SRCAP: variants seen among roughly 807,000 people sequenced by gnomAD.
SRCAP encodes chromatin remodeling protein SRCAP.
A neutral mutation model predicts 263.1 loss-of-function variants in SRCAP; 46 were observed. That is an observed-to-expected ratio of 0.17 (90% CI 0.14 to 0.22). The LOEUF (loss-of-function observed/expected upper bound fraction) is 0.22, where lower values mean the gene tolerates loss of function less well. SRCAP is among the 10% of genes least tolerant of loss of function. The probability of loss-of-function intolerance (pLI) is 1.00; values close to 1 mark genes in which losing one functional copy is unlikely to be tolerated. For missense variants in SRCAP, 3,695 were observed against 4,181.9 expected, an observed-to-expected ratio of 0.88 and a Z score of 3.21; for synonymous variants, 1,813 against 1,662.1, an observed-to-expected ratio of 1.09 and a Z score of -2.21.
rs1567253013 is a variant in SRCAP at position 30,736,353 on chromosome 16, A to G, written c.6883A>G (p.Met2295Val). ...CCGGCCTGGGGCTGAGGATGAGGAG[A>G]TGTCCCGGGCTGAGCAGGAAATTGC... The part of the protein sequence containing the change: ...AGRPGAEDEE[M>V]SRAEQEIAAL... The change falls in exon 32 of 34, where the codon ATG becomes GTG. Residue 2295 changes from methionine (M) to valine (V), a missense_variant. Met to Val is a conservative substitution (Grantham distance 21). Coordinates refer to ENST00000262518, the MANE Select transcript of SRCAP (RefSeq NM_006662.3). 2 of 1,613,722 alleles carry G rather than the reference A, an allele frequency of 1.2e-6. No homozygotes were observed. Among genetic ancestry groups the G allele is most frequent in the Admixed American group, 1.7e-5 (1 of 59,986 alleles).
intron 31 of SRCAP, among the ~76,000 whole-genome samples, chr16:30,735,625 G>T (rs185939683): frequency 8.8e-6 from 1 of 113,824 alleles, no homozygotes; most frequent in Admixed American, 1.4e-4. Flanking sequence ...CTTTCGCCCA[G>T]GCTAGAGTGC....
At chr16:30,712,845 C>T in intron 14 of SRCAP, 30 bp downstream of exon 14, 2 of 1,609,282 alleles carry the variant, frequency 1.2e-6, no homozygotes, top group Non-Finnish European at 1.7e-6. Flanking sequence ...CACTTTCCTC[C>T]CATTGATGCC....
rs753083192 is a variant in SRCAP at position 30,722,967 on chromosome 16, A to G, written c.3897A>G (p.Pro1299=). 4 of 1,605,046 alleles carry G rather than the reference A, an allele frequency of 2.5e-6. No homozygotes were observed. Among genetic ancestry groups the G allele is most frequent in the Admixed American group, 1.7e-5 (1 of 59,654 alleles). ...CAGTGTAGCTTCCTCTTGCAGTGCCACCAACCATGGTGAATAATACAGGCG... is the reference window on the plus strand; with the variant it reads ...CAGTGTAGCTTCCTCTTGCAGTGCCGCCAACCATGGTGAATAATACAGGCG... ...LSLPLAANQV[P]PTMVNNTGVV... The change falls in exon 24 of 34, where the codon CCA becomes CCG. Residue 1299 remains proline (P), a synonymous_variant. Coordinates refer to ENST00000262518, the MANE Select transcript of SRCAP (RefSeq NM_006662.3).
intron 27 of SRCAP, among the ~76,000 whole-genome samples, chr16:30,731,299 T>A (rs943140266): frequency 6.6e-6 from 1 of 152,132 alleles, no homozygotes; most frequent in Admixed American, 6.5e-5. Context: ...TGGGTTTGGG[T>A]TGGGGCCTTC....
intron 22 of SRCAP, 55 bp from the exon 23 acceptor site, chr16:30,722,508 C>T: frequency 6.3e-7 from 1 of 1,595,242 alleles, no homozygotes; most frequent in Non-Finnish European, 8.6e-7. Flanking sequence ...CTTGCCTCTG[C>T]CCTCCTCAGG....
At chr16:30,730,576 T>C (rs2053104402) in intron 27 of SRCAP, among the ~76,000 whole-genome samples, 1 of 152,004 alleles carries the variant, frequency 6.6e-6, no homozygotes, top group African/African-American at 2.4e-5. Context: ...GGATTACAGG[T>C]GCACACCACC....
intron 1 of SRCAP, among the ~76,000 whole-genome samples, chr16:30,699,646 A>G (rs981933521): frequency 6.8e-6 from 1 of 147,120 alleles, no homozygotes; most frequent in Non-Finnish European, 1.5e-5. Flanking sequence ...TTTTTGCTGT[A>G]TTTTTTTTTT....
rs777190973 is a variant in SRCAP at position 30,735,915 on chromosome 16, CT to C, written c.6730-271del. On this transcript the variant is annotated intron_variant, in intron 31 of 33. Coordinates refer to ENST00000262518, the MANE Select transcript of SRCAP (RefSeq NM_006662.3). Reference sequence around the variant, plus strand: ...TTTTATTCACATCTTTCTGTGGTGGCTTTTTTTTTTTTTTGAGAGCTGAGGC... The same window carrying C: ...TTTTATTCACATCTTTCTGTGGTGGCTTTTTTTTTTTTTGAGAGCTGAGGC... Among the ~76,000 whole-genome samples, 341 of 138,368 alleles carry C rather than the reference CT, an allele frequency of 2.5e-3. 1 individual carries two copies. Among genetic ancestry groups the C allele is most frequent in the Admixed American group, 3.3e-3 (46 of 13,872 alleles). 90.8% of individuals were successfully genotyped at this position (138,368 alleles called of 152,430 possible). A position where few individuals can be genotyped will look rare whatever the true frequency, so the allele number is the denominator to read the frequency against.
chr16:30,703,958 T>G, intron 3 of SRCAP, 106 bp from the exon 4 acceptor site: 1 of 1,358,136 alleles, frequency 7.4e-7, no homozygotes, highest in Non-Finnish European at 1.0e-6. Flanking sequence ...GGTTTATACC[T>G]TACTCTACAC....
intron 14 of SRCAP, 36 bp from the exon 15 acceptor site, chr16:30,713,172 C>T: frequency 2.5e-6 from 4 of 1,604,658 alleles, no homozygotes; most frequent in Non-Finnish European, 3.4e-6. Flanking sequence ...TTCTTTTCAT[C>T]CCACTATCTG....
In SRCAP at chr16:30,722,127, G is replaced by A; in HGVS notation, c.3547G>A (p.Glu1183Lys). ...PDMQARLPSGEVVSIGQLASL... is the reference protein window; with the variant it reads ...PDMQARLPSGKVVSIGQLASL... ...AAGGCCTTCTCTGTTTTTAGCAGGC[G>A]AAGTGGTCAGCATCGGGCAGTTAGC... The change falls in exon 22 of 34, where the codon GAA becomes AAA. Residue 1183 changes from glutamate (E) to lysine (K), a missense_variant. By Grantham distance (56) the Glu-to-Lys change is moderately conservative (BLOSUM62 1). Around this residue, in one of 12 missense-constraint regions of SRCAP, gnomAD observed 1,347 missense variants for 1,304.4 expected, o/e 1.03. Coordinates refer to ENST00000262518, the MANE Select transcript of SRCAP (RefSeq NM_006662.3). 1 of 1,613,484 alleles carries A rather than the reference G, an allele frequency of 6.2e-7. No individual in the cohort carries two copies. Among genetic ancestry groups the A allele is most frequent in the Non-Finnish European group, 8.5e-7 (1 of 1,179,646 alleles).
intron 3 of SRCAP, among the ~76,000 whole-genome samples, chr16:30,703,489 C>T (rs559839115): frequency 1.3e-5 from 2 of 151,462 alleles, no homozygotes; most frequent in Admixed American, 6.6e-5. Flanking sequence ...CCACCACCCC[C>T]GGCCTATATA....
intron 27 of SRCAP, among the ~76,000 whole-genome samples, chr16:30,731,272 C>T (rs911668019): frequency 6.6e-6 from 1 of 152,172 alleles, no homozygotes; most frequent in Non-Finnish European, 1.5e-5. Flanking sequence ...TTATTTAGAT[C>T]AACTTGATTT....
chr16:30,700,297 C>G (rs983364820), intron 2 of SRCAP, among the ~76,000 whole-genome samples: 4 of 152,186 alleles, frequency 2.6e-5, no homozygotes, highest in Non-Finnish European at 5.9e-5. Context: ...AACTTCGTAA[C>G]TTACAAAACA....
chr16:30,717,610 C>CTTTT (rs34512915), intron 18 of SRCAP, among the ~76,000 whole-genome samples: 1,185 of 90,954 alleles, frequency 0.013, 38 homozygotes, highest in East Asian at 0.028. Context: ...CCAAGCCTGG[C>CTTTT]TTTTTTTTTT....
Position 30,712,829 on chromosome 16 carries a change from T to C in SRCAP, c.2130+14T>C, listed in dbSNP as rs1171021714. The C allele has an allele frequency of 1.2e-6, 2 of 1,613,934 alleles. No individual in the cohort carries two copies. Among genetic ancestry groups the C allele is most frequent in the Non-Finnish European group, 1.7e-6 (2 of 1,179,880 alleles). On this transcript the variant is annotated intron_variant, in intron 14 of 33. Coordinates refer to ENST00000262518, the MANE Select transcript of SRCAP (RefSeq NM_006662.3). Reference sequence around the variant, plus strand: ...CTCAAGCGGCAGGTTCGATGTTTCATGTGGTCACTTTCCTCCCATTGATGC... The same window carrying C: ...CTCAAGCGGCAGGTTCGATGTTTCACGTGGTCACTTTCCTCCCATTGATGC...
Position 30,739,679 on chromosome 16 carries a change from T to A in SRCAP, c.9639T>A (p.Pro3213=). The A allele has an allele frequency of 1.3e-6, 2 of 1,554,066 alleles. No individual in the cohort carries two copies. Among genetic ancestry groups the A allele is most frequent in the Non-Finnish European group, 1.7e-6 (2 of 1,151,912 alleles). ...GDQRILRSSA[P]PSLAGPAVSH... ...AGCGCATCCTGCGCAGCAGCGCCCC[T>A]CCCTCCCTGGCTGGCCCTGCTGTTA... The change falls in exon 34 of 34, where the codon CCT becomes CCA. Residue 3213 remains proline, a synonymous_variant. Coordinates refer to ENST00000262518, the MANE Select transcript of SRCAP (RefSeq NM_006662.3).
Position 30,739,612 on chromosome 16 carries a change from C to T in SRCAP, c.9572C>T (p.Pro3191Leu). ...GGGGATGGGACCCCACGCCGACGTC[C>T]TGGCCCCCGCCGGCTTGTTGGGACC... ...EEGDGTPRRRPGPRRLVGTTN... is the reference protein window; with the variant it reads ...EEGDGTPRRRLGPRRLVGTTN... Residue 3191 changes from proline (P) to leucine (L), a missense_variant, in exon 34 of 34, where the codon CCT becomes CTT. Physicochemically the swap from Pro to Leu is moderately conservative, Grantham distance 98. This residue lies in a region of SRCAP where 1,207 missense variants were observed against 1,142.9 expected (regional missense o/e 1.06). Transcript: ENST00000262518. The T allele has an allele frequency of 1.9e-6, 3 of 1,592,556 alleles. No homozygotes were observed. Among genetic ancestry groups the T allele is most frequent in the Non-Finnish European group, 2.6e-6 (3 of 1,170,414 alleles).
rs2053197624 is a variant in SRCAP, at chr16:30,739,282, G to T, written c.9242G>T (p.Ser3081Ile). 6.2e-7 allele frequency: 1 copy of T among 1,614,142 alleles called. No homozygotes were observed. Among genetic ancestry groups the T allele is most frequent in the South Asian group, 1.1e-5 (1 of 91,086 alleles). ...LEAEGMRGRK[S>I]GGSMVVAVIQ... ...GCAGAAGGAATGCGAGGACGGAAGAGTGGAGGGTCCATGGTGGTGGCTGTA... is the reference window on the plus strand; with the variant it reads ...GCAGAAGGAATGCGAGGACGGAAGATTGGAGGGTCCATGGTGGTGGCTGTA... The change falls in exon 34 of 34, where the codon AGT (serine) becomes ATT (isoleucine). Residue 3081 changes from serine (S) to isoleucine (I), a missense_variant. Physicochemically the swap from Ser to Ile is moderately radical, Grantham distance 142. Coordinates refer to ENST00000262518, the MANE Select transcript of SRCAP (RefSeq NM_006662.3).
Sources: allele counts gnomAD v4.1 joint callset (sites outside exome capture counted in the v4.1 genomes callset), GRCh38; gene constraint gnomAD v4.1.1; regional missense constraint gnomAD v4.1.1; transcripts MANE v1.5; gene names NCBI Gene and HGNC (gene_info 2026-07-23, HGNC 2026-07-21).